The following GCSAML variants were observed in gnomAD, a reference collection of about 807,000 sequenced individuals.
GCSAML encodes the protein germinal center associated signaling and motility like.
Under a neutral mutation model 13.0 loss-of-function variants are expected in GCSAML, and 9 were observed. That is an observed-to-expected ratio of 0.69 (90% confidence interval 0.42 to 1.21). GCSAML has a LOEUF of 1.21. GCSAML is among the 50% of genes most tolerant of loss of function. The pLI is 0.00. For missense variants in GCSAML, 143 were observed against 153.4 expected (o/e 0.93, Z 0.36); for synonymous variants, 37 against 52.9 (o/e 0.70, Z 1.31).
chr1:247,523,625 C>G (rs1268751312), intron 1 of GCSAML, among the ~76,000 whole-genome samples: 1 of 152,100 alleles, frequency 6.6e-6, no homozygotes, highest in East Asian at 1.9e-4. Flanking sequence ...AAATGTAGTT[C>G]AATACTAACC....
At chr1:247,568,835 T>C (rs1299548197) in intron 4 of GCSAML, among the ~76,000 whole-genome samples, 1 of 152,210 alleles carries the variant, frequency 6.6e-6, no homozygotes, top group East Asian at 1.9e-4. Context: ...CATTTGTTTG[T>C]GTCCTCTTTT....
chr1:247,531,592 A>G, intron 2 of GCSAML: 3 of 1,614,144 alleles, frequency 1.9e-6, no homozygotes, highest in Non-Finnish European at 2.5e-6. Context: ...GCAGTTCTCT[A>G]ATACCATGTG....
At chr1:247,557,003 A>G (rs927662527) in intron 2 of GCSAML, among the ~76,000 whole-genome samples, 1 of 152,076 alleles carries the variant, frequency 6.6e-6, no homozygotes, top group African/African-American at 2.4e-5. Context: ...TCTTTAAGCC[A>G]CCAAACTCAG....
chr1:247,562,112 G>T (rs1558257519), intron 2 of GCSAML, among the ~76,000 whole-genome samples: 2 of 152,172 alleles, frequency 1.3e-5, no homozygotes, highest in Admixed American at 6.5e-5. Flanking sequence ...GGCCTAAAAA[G>T]CTGAGATACC....
chr1:247,537,383 G>A (rs1216999547), intron 2 of GCSAML, among the ~76,000 whole-genome samples: 1 of 152,168 alleles, frequency 6.6e-6, no homozygotes, highest in Non-Finnish European at 1.5e-5. Flanking sequence ...AGACATTTGG[G>A]TTAGTTTGTT....
chr1:247,565,814 C>T (rs1328227786), intron 3 of GCSAML, 117 bp from the exon 4 acceptor site: 1 of 734,038 alleles, frequency 1.4e-6, no homozygotes, highest in East Asian at 3.0e-5. Context: ...TAATAGGCCT[C>T]TGCAGTTTTA....
At chr1:247,528,164 T>G (rs1666756384) in intron 2 of GCSAML, 1 of 152,322 alleles carries the variant, frequency 6.6e-6, no homozygotes, top group East Asian at 1.9e-4. Context: ...CTAGAGTACC[T>G]GCTGTCTGCT....
At chr1:247,563,006 A>ATTTTTTTT (rs35205676) in intron 2 of GCSAML, among the ~76,000 whole-genome samples, 2 of 134,648 alleles carry the variant, frequency 1.5e-5, no homozygotes, top group South Asian at 2.4e-4. Flanking sequence ...TACCCAGCTC[A>ATTTTTTTT]TTTTTTTTTT....
intron 2 of GCSAML, chr1:247,531,358 A>T (rs1382299311): frequency 1.6e-6 from 1 of 620,454 alleles, no homozygotes; most frequent in Non-Finnish European, 2.8e-6. Flanking sequence ...ATTGAACAAA[A>T]CTATGATAAT....
At chr1:247,508,775 C>T (rs1665915359) in intron 1 of GCSAML, among the ~76,000 whole-genome samples, 1 of 152,126 alleles carries the variant, frequency 6.6e-6, no homozygotes, top group South Asian at 2.1e-4. Context: ...GAATTCTTTC[C>T]CCATTGCTTG....
intron 1 of GCSAML, among the ~76,000 whole-genome samples, chr1:247,555,385 A>G (rs1311248295): frequency 6.6e-6 from 1 of 152,218 alleles, no homozygotes; most frequent in Non-Finnish European, 1.5e-5. Flanking sequence ...TTACATCCAG[A>G]TTTGACTGTG....
At position 247,577,177 on chromosome 1, in the gene GCSAML, T is replaced by C. The variant is rs1255872969; in HGVS notation, c.*2795T>C. Reference sequence around the variant, plus strand: ...TGTAAATTTTGTGAAGCTTATCTTTTATGCATATAAATATTTGAACATTTT... The same window carrying C: ...TGTAAATTTTGTGAAGCTTATCTTTCATGCATATAAATATTTGAACATTTT... On this transcript the variant is annotated 3_prime_UTR_variant, in exon 5 of 5. Coordinates refer to ENST00000366488, the MANE Select transcript of GCSAML (RefSeq NM_145278.5). 6.6e-6 allele frequency: 1 copy of C among 152,256 alleles called. No individual in the cohort carries two copies. The highest frequency in any genetic ancestry group is 2.4e-5 in the African/African-American group (1 of 41,474). 9.4% of individuals were successfully genotyped at this position (152,256 alleles called of 1,614,324 possible).
chr1:247,546,459 C>G (rs368789225), upstream of GCSAML, among the ~76,000 whole-genome samples: 8 of 151,978 alleles, frequency 5.3e-5, no homozygotes, highest in African/African-American at 1.9e-4. Context: ...TCCGGGTTCA[C>G]GCCATTCTCC....
chr1:247,573,107 T>C (rs1197398536), intron 4 of GCSAML, among the ~76,000 whole-genome samples: 1 of 152,212 alleles, frequency 6.6e-6, no homozygotes, highest in Non-Finnish European at 1.5e-5. Context: ...CTTGCTGGGC[T>C]CCATGGTGGT....
chr1:247,546,517 C>A (rs1053559533), upstream of GCSAML, among the ~76,000 whole-genome samples: 1 of 151,986 alleles, frequency 6.6e-6, no homozygotes, highest in Non-Finnish European at 1.5e-5. Context: ...CGCCACCACG[C>A]CTGGCTCATT....
Position 247,575,690 on chromosome 1 carries a change from C to T in GCSAML, c.*1308C>T, listed in dbSNP as rs182943465. ...TTCAATTTTCTAGCCAACAGAGAAT[C>T]GAAGGATTCTGTTCAAATATTAGTA... is the stretch of plus-strand genomic sequence containing the variant. On this transcript the variant is annotated 3_prime_UTR_variant, in exon 5 of 5. Transcript: ENST00000366488. The T allele has an allele frequency of 3.3e-5, 5 of 152,224 alleles. No homozygotes were observed. The highest frequency in any genetic ancestry group is 9.6e-5 in the African/African-American group (4 of 41,522). 9.4% of individuals were successfully genotyped at this position (152,224 alleles called of 1,614,324 possible). A position where few individuals can be genotyped will look rare whatever the true frequency, so the allele number is the denominator to read the frequency against.
intron 1 of GCSAML, among the ~76,000 whole-genome samples, chr1:247,553,708 T>A (rs534631369): frequency 6.5e-4 from 99 of 152,206 alleles, no homozygotes; most frequent in Non-Finnish European, 1.2e-3. Context: ...TCAAGTGATC[T>A]TCCTGCCTCA....
At chr1:247,556,730 T>G (rs1032853110) in intron 2 of GCSAML, among the ~76,000 whole-genome samples, 1 of 152,174 alleles carries the variant, frequency 6.6e-6, no homozygotes, top group South Asian at 2.1e-4. Context: ...AAAGGATGTT[T>G]GGTTTTGGTT....
At chr1:247,546,067 A>G (rs1051245791), upstream of GCSAML, among the ~76,000 whole-genome samples, 32 of 152,246 alleles carry the variant, frequency 2.1e-4, no homozygotes, top group African/African-American at 7.7e-4. Flanking sequence ...GTCCAAACTC[A>G]TCAAATTATG....
Sources: gnomAD v4.1 joint callset for allele counts (sites outside exome capture counted in the v4.1 genomes callset) on GRCh38, gnomAD v4.1.1 for gene constraint, MANE v1.5 for transcripts, NCBI Gene and HGNC (gene_info 2026-07-23, HGNC 2026-07-21) for gene names.